The following COG6 variants were observed in gnomAD, a reference collection of about 807,000 sequenced individuals.
COG6 encodes the protein conserved oligomeric Golgi complex subunit 6.
In COG6, 74 loss-of-function variants were observed where a neutral mutation model predicts 88.8. The observed-to-expected ratio is 0.83, with a 90% CI of 0.69 to 1.01. COG6 has a LOEUF of 1.01. Ranked by LOEUF, COG6 falls within the 50% of genes least tolerant of loss-of-function variation. The probability of loss-of-function intolerance (pLI) is 0.00; values close to 1 mark genes in which losing one functional copy is unlikely to be tolerated. For synonymous variants in COG6, 286 were observed against 278.7 expected (o/e 1.03, Z -0.26); for missense variants, 800 against 797.9 (o/e 1.00, Z -0.03).
At position 39,711,985 on chromosome 13, in the gene COG6, G is replaced by A. The variant is rs1002183964; in HGVS notation, c.1285-7251G>A. 5.3e-5 allele frequency among the ~76,000 whole-genome samples: 8 copies of A among 152,104 alleles called. No individual in the cohort carries two copies. The South Asian group carries it at 1.7e-3, about 32-fold the overall frequency. ...AGCGATTCTCCAGCTTCAGCCTCCC[G>A]AGTGGCTACGATTACAGGTATGCGC... On this transcript the variant is annotated intron_variant, in intron 13 of 18. Transcript: ENST00000455146.
intron 13 of COG6, among the ~76,000 whole-genome samples, chr13:39,712,800 G>A (rs1593444199): frequency 6.6e-6 from 1 of 152,166 alleles, no homozygotes; most frequent in East Asian, 1.9e-4. Context: ...AAGTAATGTG[G>A]CCATGTTTGC....
At chr13:39,664,228 T>G (rs1875100063) in intron 3 of COG6, 1 of 154,278 alleles carries the variant, frequency 6.5e-6, no homozygotes, top group Admixed American at 6.5e-5. Flanking sequence ...TTTGCTCTGG[T>G]ATTTTCTCTT....
At chr13:39,776,381 A>G (rs1881464230) in intron 18 of COG6, among the ~76,000 whole-genome samples, 1 of 152,198 alleles carries the variant, frequency 6.6e-6, no homozygotes, top group Non-Finnish European at 1.5e-5. Context: ...TAAGTTTTTT[A>G]TTTCCAATAT....
intron 18 of COG6, among the ~76,000 whole-genome samples, chr13:39,780,503 G>A (rs1881598097): frequency 6.6e-6 from 1 of 152,010 alleles, no homozygotes; most frequent in African/African-American, 2.4e-5. Context: ...TACTATTTTT[G>A]GCCTAATATC....
In COG6 at chr13:39,656,377, G is replaced by A. The variant is rs952206605; in HGVS notation, c.153+498G>A. The A allele has an allele frequency of 1.4e-5, 5 of 346,640 alleles. No homozygotes were observed. In the Admixed American group the frequency reaches 1.5e-4, roughly 11 times the overall value. 21.5% of individuals were successfully genotyped at this position (346,640 alleles called of 1,614,324 possible). The stretch of plus-strand genomic sequence containing the variant: ...AATTGCAATAATTTGCAGCGCGAAA[G>A]AACTACCTTTGCCCGTGGCTGAAAT... On this transcript the variant is annotated intron_variant, in intron 1 of 18. Transcript: ENST00000455146.
At chr13:39,771,077 A>G (rs1257699417) in intron 18 of COG6, among the ~76,000 whole-genome samples, 3 of 152,278 alleles carry the variant, frequency 2.0e-5, no homozygotes, top group Non-Finnish European at 2.9e-5. Flanking sequence ...GATCAGGTCC[A>G]TGCAGACACG....
Position 39,727,555 on chromosome 13 carries a change from A to AT in COG6, c.1826+12dup. On this transcript the variant is annotated splice_region_variant and intron_variant, in intron 18 of 18. Transcript: ENST00000455146. Reference sequence around the variant, plus strand: ...TTCTAAGTGCCACAGTGAAGTAAGTATTTTTGGTCCCAAGTAGTTGGTAAA... The same window carrying AT: ...TTCTAAGTGCCACAGTGAAGTAAGTATTTTTTGGTCCCAAGTAGTTGGTAAA... 6.2e-7 allele frequency: 1 copy of AT among 1,603,786 alleles called. No individual in the cohort carries two copies. Among genetic ancestry groups the AT allele is most frequent in the Non-Finnish European group, 8.5e-7 (1 of 1,170,722 alleles).
At chr13:39,710,188 G>A (rs1452818120) in intron 13 of COG6, among the ~76,000 whole-genome samples, 1 of 152,066 alleles carries the variant, frequency 6.6e-6, no homozygotes, top group African/African-American at 2.4e-5. Context: ...CTTTCATAGT[G>A]TTCAGGCCTT....
chr13:39,703,883 T>C (rs893153940), intron 13 of COG6, among the ~76,000 whole-genome samples: 1 of 151,862 alleles, frequency 6.6e-6, no homozygotes, highest in Non-Finnish European at 1.5e-5. Context: ...CATGCCACCA[T>C]GCCCAGCTAA....
intron 4 of COG6, among the ~76,000 whole-genome samples, chr13:39,666,182 T>C (rs977101415): frequency 2.0e-5 from 3 of 152,242 alleles, no homozygotes; most frequent in African/African-American, 7.2e-5. Flanking sequence ...CAATCATTAC[T>C]ACTATTTAAA....
intron 15 of COG6, among the ~76,000 whole-genome samples, chr13:39,720,348 A>G (rs1440401335): frequency 6.6e-6 from 1 of 152,076 alleles, no homozygotes; most frequent in Non-Finnish European, 1.5e-5. Context: ...TTAAGAGAGT[A>G]TATGATGACT....
intron 18 of COG6, 42 bp downstream of exon 18, chr13:39,727,590 ATTTT>A: frequency 7.5e-7 from 1 of 1,327,774 alleles, no homozygotes; most frequent in South Asian, 1.2e-5. Flanking sequence ...AGATTCACAT[ATTTT>A]TAAATATCAA....
At chr13:39,706,001 T>A (rs545783038) in intron 13 of COG6, among the ~76,000 whole-genome samples, 23 of 151,834 alleles carry the variant, frequency 1.5e-4, no homozygotes, top group African/African-American at 5.3e-4. Flanking sequence ...CTTTAATATT[T>A]AAAAAAATAA....
intron 4 of COG6, among the ~76,000 whole-genome samples, chr13:39,665,406 T>C (rs1454633200): frequency 2.0e-5 from 3 of 152,212 alleles, no homozygotes; most frequent in African/African-American, 7.2e-5. Context: ...TTGTTTGCTG[T>C]GGAGTTCAGA....
At chr13:39,720,034 G>A (rs1302315643) in intron 15 of COG6, among the ~76,000 whole-genome samples, 1 of 142,370 alleles carries the variant, frequency 7.0e-6, no homozygotes, top group Non-Finnish European at 1.5e-5. Context: ...CACAAATTCA[G>A]TATTTCAGTT....
intron 18 of COG6, among the ~76,000 whole-genome samples, chr13:39,781,118 CTG>C (rs1304562537): frequency 6.6e-6 from 1 of 152,124 alleles, no homozygotes; most frequent in Admixed American, 6.5e-5. Flanking sequence ...TTCCTATTCA[CTG>C]TGAGACTCTC....
At chr13:39,740,966 C>G (rs1054197674) in intron 18 of COG6, among the ~76,000 whole-genome samples, 10 of 152,194 alleles carry the variant, frequency 6.6e-5, no homozygotes, top group South Asian at 4.1e-4. Flanking sequence ...TTGAAATAGT[C>G]TATTTCTGGA....
chr13:39,683,339 G>C (rs1478129892), intron 8 of COG6, among the ~76,000 whole-genome samples: 1 of 152,142 alleles, frequency 6.6e-6, no homozygotes, highest in African/African-American at 2.4e-5. Flanking sequence ...GTTTCCTAAG[G>C]AATTAGGTAT....
intron 18 of COG6, among the ~76,000 whole-genome samples, chr13:39,742,850 C>G (rs1303610483): frequency 2.0e-5 from 3 of 151,918 alleles, no homozygotes; most frequent in Non-Finnish European, 2.9e-5. Flanking sequence ...CCACATAGTT[C>G]GAAGTAAAGC....
Sources: allele counts gnomAD v4.1 joint callset (sites outside exome capture counted in the v4.1 genomes callset), GRCh38; gene constraint gnomAD v4.1.1; transcripts MANE v1.5; gene names NCBI Gene and HGNC (gene_info 2026-07-23, HGNC 2026-07-21).